The following DOCK10 variants were observed in gnomAD, a reference collection of about 807,000 sequenced individuals.
DOCK10 encodes the protein dedicator of cytokinesis protein 10.
Under a neutral mutation model 280.1 loss-of-function variants are expected in DOCK10, and 145 were observed. That is an observed-to-expected ratio of 0.52 (90% confidence interval 0.45 to 0.59). DOCK10 has a LOEUF of 0.59. Ranked by LOEUF, DOCK10 falls within the 20% of genes least tolerant of loss-of-function variation. The probability of loss-of-function intolerance (pLI) is 0.00; values close to 1 mark genes in which losing one functional copy is unlikely to be tolerated. For missense variants in DOCK10, 2,368 were observed against 2,651.7 expected (o/e 0.89, Z 2.35); for synonymous variants, 915 against 942.2 (o/e 0.97, Z 0.53).
intron 1 of DOCK10, among the ~76,000 whole-genome samples, chr2:224,996,325 C>T (rs1320804839): frequency 6.6e-6 from 1 of 152,222 alleles, no homozygotes; most frequent in Non-Finnish European, 1.5e-5. Context: ...ATCCAAACTT[C>T]AAGGGGACTT....
chr2:224,869,553 CATT>C (rs1286353286), intron 11 of DOCK10, among the ~76,000 whole-genome samples: 1 of 152,134 alleles, frequency 6.6e-6, no homozygotes, highest in Admixed American at 6.5e-5. Flanking sequence ...GTGAGGCTGA[CATT>C]ATTTTTTGTG....
intron 16 of DOCK10, among the ~76,000 whole-genome samples, chr2:224,853,497 C>T (rs549727446): frequency 6.6e-6 from 1 of 152,290 alleles, no homozygotes; most frequent in African/African-American, 2.4e-5. Context: ...AATGCATATT[C>T]TGATACATGA....
Position 224,916,720 on chromosome 2 carries a change from T to C in DOCK10, c.308A>G (p.Lys103Arg), listed in dbSNP as rs112121950. The change falls in exon 3 of 56, where the codon AAG becomes AGG. Residue 103 changes from lysine to arginine, a missense_variant. This residue lies in a region of DOCK10 where 1,209 missense variants were observed against 1,250.9 expected (regional missense o/e 0.97). Coordinates refer to ENST00000258390, the MANE Select transcript of DOCK10 (RefSeq NM_014689.3). ...CTCCTTAACCAGTAAATTTTCTGCC[T>C]TGTGCTCTGCATCTTCAGGTACTGT... ...YSTVPEDAEH[K>R]AENLLVKEAC... The C allele has an allele frequency of 6.2e-5, 100 of 1,610,934 alleles. 2 individuals are homozygous for C. The African/African-American group carries it at 1.1e-3, about 17-fold the overall frequency.
intron 3 of DOCK10, among the ~76,000 whole-genome samples, chr2:224,908,573 T>C (rs183965724): frequency 6.6e-6 from 1 of 152,264 alleles, no homozygotes; most frequent in Admixed American, 6.5e-5. Flanking sequence ...GGCTCAGTCA[T>C]GCAGTCTCAA....
chr2:224,961,214 G>A (rs1704362673), intron 1 of DOCK10, among the ~76,000 whole-genome samples: 1 of 152,154 alleles, frequency 6.6e-6, no homozygotes, highest in Non-Finnish European at 1.5e-5. Flanking sequence ...CAACATGTTA[G>A]CCAGGATGAC....
intron 1 of DOCK10, among the ~76,000 whole-genome samples, chr2:225,033,550 G>A (rs992934895): frequency 6.6e-6 from 1 of 152,076 alleles, no homozygotes. Flanking sequence ...AAATATTAAC[G>A]TTTTCAAAGG....
chr2:224,896,218 G>T, intron 4 of DOCK10, 77 bp downstream of exon 4: 2 of 865,556 alleles, frequency 2.3e-6, no homozygotes, highest in South Asian at 1.8e-5. Context: ...GTGTATTCAT[G>T]AACAATGGCA....
intron 43 of DOCK10, 83 bp downstream of exon 43, chr2:224,796,881 C>T: frequency 1.5e-6 from 2 of 1,310,786 alleles, no homozygotes; most frequent in South Asian, 2.8e-5. Context: ...TGACGGCTTG[C>T]CCTGAGGACA....
chr2:224,975,056 C>T (rs1705352756), intron 1 of DOCK10, among the ~76,000 whole-genome samples: 1 of 151,534 alleles, frequency 6.6e-6, no homozygotes, highest in Admixed American at 6.6e-5. Flanking sequence ...TTTTTAGACA[C>T]TGTGTATTTT....
chr2:224,863,590 C>T (rs1697673823), intron 13 of DOCK10, among the ~76,000 whole-genome samples: 1 of 152,076 alleles, frequency 6.6e-6, no homozygotes, highest in African/African-American at 2.4e-5. Context: ...GTAGCTGGGA[C>T]TACAGGCGCC....
At chr2:224,798,285 G>A (rs985668626) in intron 41 of DOCK10, among the ~76,000 whole-genome samples, 30 of 152,142 alleles carry the variant, frequency 2.0e-4, no homozygotes, top group Non-Finnish European at 3.7e-4. Context: ...GGCCTGCCCT[G>A]GAGAGATCTG....
intron 1 of DOCK10, among the ~76,000 whole-genome samples, chr2:224,957,902 C>T (rs1361599124): frequency 3.9e-5 from 6 of 152,222 alleles, no homozygotes; most frequent in African/African-American, 1.4e-4. Context: ...AAGAGGCAAA[C>T]TGGTCACCTA....
At chr2:224,876,014 G>A (rs1698605831) in intron 8 of DOCK10, 24 bp downstream of exon 8, 1 of 1,601,560 alleles carries the variant, frequency 6.2e-7, no homozygotes, top group East Asian at 2.2e-5. Flanking sequence ...ACAAAGGAAG[G>A]AAGACGGCTT....
Position 224,874,707 on chromosome 2 carries a change from T to C in DOCK10, c.976A>G (p.Thr326Ala). ...TGTAGGTTGTTCTCTGAAGAATCTGTTTCCTCTGGCGTGCATTCACAAGTT... is the reference window on the plus strand; with the variant it reads ...TGTAGGTTGTTCTCTGAAGAATCTGCTTCCTCTGGCGTGCATTCACAAGTT... The part of the protein sequence containing the change: ...SVTCECTPEE[T>A]DSSENNLHAD... The change falls in exon 9 of 56, where the codon ACA becomes GCA. Residue 326 changes from threonine (T) to alanine (A), a missense_variant. Transcript: ENST00000258390. 6.2e-7 allele frequency: 1 copy of C among 1,613,988 alleles called. No homozygotes were observed. Among genetic ancestry groups the C allele is most frequent in the Non-Finnish European group, 8.5e-7 (1 of 1,179,868 alleles).
intron 11 of DOCK10, among the ~76,000 whole-genome samples, chr2:224,870,769 G>A (rs982655925): frequency 8.5e-5 from 11 of 129,204 alleles, no homozygotes; most frequent in African/African-American, 3.4e-4. Context: ...CAACATCATT[G>A]TCTGAACTAG....
rs570803415 is a variant in DOCK10 at position 224,887,273 on chromosome 2, C to T, written c.417-742G>A. On this transcript the variant is annotated intron_variant, in intron 4 of 55. Coordinates refer to ENST00000258390, the MANE Select transcript of DOCK10 (RefSeq NM_014689.3). ...AGTAGTCACTGGAAGAGCCCCAGCC[C>T]TGAAGAACCATGACCCTGAGAACCA... is the stretch of plus-strand genomic sequence containing the variant. 7.0e-4 allele frequency among the ~76,000 whole-genome samples: 107 copies of T among 152,288 alleles called. 1 individual carries two copies. Among genetic ancestry groups the T allele is most frequent in the African/African-American group, 2.5e-3 (102 of 41,544 alleles).
At chr2:224,880,559 T>C (rs1012003291) in intron 7 of DOCK10, among the ~76,000 whole-genome samples, 1 of 152,236 alleles carries the variant, frequency 6.6e-6, no homozygotes, top group African/African-American at 2.4e-5. Context: ...CATATATCAG[T>C]GTCCTTTGCA....
chr2:224,932,835 T>C lies in DOCK10; in HGVS notation c.124-1167A>G, dbSNP rs186155606. Among the ~76,000 whole-genome samples the C allele has an allele frequency of 3.6e-3, 553 of 152,316 alleles. 4 individuals carry two copies. The highest frequency in any genetic ancestry group is 0.034 in the Middle Eastern group (10 of 294). On this transcript the variant is annotated intron_variant, in intron 1 of 55. Coordinates refer to ENST00000258390, the MANE Select transcript of DOCK10 (RefSeq NM_014689.3). ...TCTGATAAGGCCCTAGGAACTTTCA[T>C]TGACATTTTAATAAATGCTAATGGG... is the stretch of plus-strand genomic sequence containing the variant.
At chr2:224,961,446 C>CTTTCTTTCTTTCTTTCT (rs1559873791) in intron 1 of DOCK10, among the ~76,000 whole-genome samples, 1 of 130,550 alleles carries the variant, frequency 7.7e-6, no homozygotes, top group African/African-American at 2.8e-5. Flanking sequence ...TTCTTTCTTT[C>CTTTCTTTCTTTCTTTCT]TTTCTTTCTT....
Sources: allele counts gnomAD v4.1 joint callset (sites outside exome capture counted in the v4.1 genomes callset), GRCh38; gene constraint gnomAD v4.1.1; regional missense constraint gnomAD v4.1.1; transcripts MANE v1.5; gene names NCBI Gene and HGNC (gene_info 2026-07-23, HGNC 2026-07-21).